LTBP1: variants seen among roughly 807,000 people sequenced by gnomAD.
LTBP1 encodes latent-transforming growth factor beta-binding protein 1.
LTBP1 carries 129 observed loss-of-function variants against 207.6 expected under a neutral mutation model. The observed-to-expected ratio is 0.62, with a 90% CI of 0.54 to 0.72. LTBP1 has a LOEUF of 0.72. Ranked by LOEUF, LTBP1 falls within the 30% of genes least tolerant of loss-of-function variation. The probability of loss-of-function intolerance (pLI) is 0.00; values close to 1 mark genes in which losing one functional copy is unlikely to be tolerated. For missense variants in LTBP1, 2,281 were observed against 2,217.2 expected, an observed-to-expected ratio of 1.03 and a Z score of -0.58; for synonymous variants, 963 against 833.7, an observed-to-expected ratio of 1.16 and a Z score of -2.67.
chr2:33,122,094 T>G (rs543858767), intron 4 of LTBP1, among the ~76,000 whole-genome samples: 5 of 151,754 alleles, frequency 3.3e-5, no homozygotes, highest in Non-Finnish European at 5.9e-5. Flanking sequence ...CGTGTCCCCT[T>G]GACTCTGGGC....
chr2:33,173,700 CA>C (rs2085713174), intron 5 of LTBP1, among the ~76,000 whole-genome samples: 1 of 150,086 alleles, frequency 6.7e-6, no homozygotes, highest in African/African-American at 2.4e-5. Flanking sequence ...GAGACACAAC[CA>C]AAAAAGAGAA....
chr2:33,070,068 C>T (rs765378011), intron 3 of LTBP1, among the ~76,000 whole-genome samples: 3 of 152,200 alleles, frequency 2.0e-5, no homozygotes, highest in African/African-American at 7.2e-5. Flanking sequence ...GCCTTTGACT[C>T]AGCGATGTGT....
In LTBP1 at chr2:33,138,399, G is replaced by A. The variant is rs144967831; in HGVS notation, c.1201+3439G>A. Reference sequence around the variant, plus strand: ...GATTTTGATATGGTTTAACAGAATAGTTACTTTAAATGGTACTTCCTATGA... The same window carrying A: ...GATTTTGATATGGTTTAACAGAATAATTACTTTAAATGGTACTTCCTATGA... On this transcript the variant is annotated intron_variant, in intron 5 of 33. Coordinates refer to ENST00000404816, the MANE Select transcript of LTBP1 (RefSeq NM_206943.4). Among the ~76,000 whole-genome samples the A allele has an allele frequency of 3.6e-3, 540 of 151,780 alleles. 4 individuals carry two copies. Among genetic ancestry groups the A allele is most frequent in the African/African-American group, 0.012 (511 of 41,402 alleles).
At chr2:33,033,739 A>G (rs1431249508) in intron 3 of LTBP1, among the ~76,000 whole-genome samples, 1 of 152,108 alleles carries the variant, frequency 6.6e-6, no homozygotes, top group Non-Finnish European at 1.5e-5. Context: ...AAAAATGCAC[A>G]CTAGAAAATA....
At chr2:33,198,753 A>T (rs1246090698) in intron 7 of LTBP1, among the ~76,000 whole-genome samples, 1 of 152,068 alleles carries the variant, frequency 6.6e-6, no homozygotes, top group African/African-American at 2.4e-5. Context: ...TATCCCCTTT[A>T]TCATTTTTTA....
intron 24 of LTBP1, among the ~76,000 whole-genome samples, chr2:33,342,037 A>T (rs1396163441): frequency 1.3e-5 from 2 of 152,186 alleles, no homozygotes; most frequent in Non-Finnish European, 2.9e-5. Context: ...GGCAGTGCCC[A>T]AGGAGAACGG....
intron 10 of LTBP1, among the ~76,000 whole-genome samples, chr2:33,244,523 A>T (rs952570356): frequency 6.6e-6 from 1 of 152,254 alleles, no homozygotes; most frequent in Admixed American, 6.5e-5. Flanking sequence ...ATCACTACAG[A>T]TCATATGCCA....
chr2:33,086,990 T>C (rs1219907206), intron 3 of LTBP1, among the ~76,000 whole-genome samples: 2 of 151,696 alleles, frequency 1.3e-5, no homozygotes, highest in African/African-American at 2.4e-5. Context: ...GGGCACTTGA[T>C]CACAGAGATT....
chr2:33,165,799 A>G (rs894669364), intron 5 of LTBP1, among the ~76,000 whole-genome samples: 2 of 152,210 alleles, frequency 1.3e-5, no homozygotes, highest in African/African-American at 4.8e-5. Context: ...GTCTGCTTAA[A>G]TGCATCAGTT....
intron 2 of LTBP1, among the ~76,000 whole-genome samples, chr2:33,005,252 T>C (rs996815571): frequency 6.6e-6 from 1 of 152,182 alleles, no homozygotes; most frequent in Non-Finnish European, 1.5e-5. Flanking sequence ...AGGGACAACT[T>C]GTCTCTGCTC....
At chr2:33,041,071 T>C (rs2076158454) in intron 3 of LTBP1, among the ~76,000 whole-genome samples, 1 of 152,196 alleles carries the variant, frequency 6.6e-6, no homozygotes, top group Admixed American at 6.5e-5. Flanking sequence ...CCTGCCAAAA[T>C]GACAGCTAGT....
intron 9 of LTBP1, among the ~76,000 whole-genome samples, chr2:33,228,355 G>T (rs945627064): frequency 2.0e-5 from 3 of 152,032 alleles, no homozygotes; most frequent in African/African-American, 7.2e-5. Flanking sequence ...TTTAAAGTAG[G>T]CACTATTATA....
chr2:33,146,588 C>CT (rs1475706941), intron 5 of LTBP1, among the ~76,000 whole-genome samples: 1 of 152,152 alleles, frequency 6.6e-6, no homozygotes, highest in African/African-American at 2.4e-5. Context: ...CTACCTGAGA[C>CT]TGGGTAGGTT....
At chr2:33,026,493 AC>A (rs1193100554) in intron 3 of LTBP1, among the ~76,000 whole-genome samples, 1 of 152,202 alleles carries the variant, frequency 6.6e-6, no homozygotes, top group Non-Finnish European at 1.5e-5. Context: ...TGCAGGACGT[AC>A]CCTTCTCTCT....
chr2:33,393,342 G>A (rs1011839824), intron 32 of LTBP1, among the ~76,000 whole-genome samples: 7 of 147,332 alleles, frequency 4.8e-5, no homozygotes, highest in African/African-American at 1.3e-4. Flanking sequence ...TGCACAACGT[G>A]CAGTTTTGTT....
At chr2:33,007,503 C>A (rs369512173) in intron 2 of LTBP1, among the ~76,000 whole-genome samples, 1 of 152,200 alleles carries the variant, frequency 6.6e-6, no homozygotes, top group Non-Finnish European at 1.5e-5. Context: ...AGAACACTCA[C>A]GTAGCATTTT....
At chr2:33,163,478 G>T (rs993894705) in intron 5 of LTBP1, among the ~76,000 whole-genome samples, 6 of 152,322 alleles carry the variant, frequency 3.9e-5, no homozygotes, top group Non-Finnish European at 5.9e-5. Flanking sequence ...AAAAGCACTG[G>T]AAGCAAGAGC....
At chr2:33,166,991 T>C (rs1462293997) in intron 5 of LTBP1, among the ~76,000 whole-genome samples, 1 of 152,188 alleles carries the variant, frequency 6.6e-6, no homozygotes, top group African/African-American at 2.4e-5. Context: ...CTGATGCCCA[T>C]GGTGTGCCGA....
At chr2:33,084,856 T>A (rs1400462226) in intron 3 of LTBP1, among the ~76,000 whole-genome samples, 2 of 152,198 alleles carry the variant, frequency 1.3e-5, no homozygotes, top group Non-Finnish European at 2.9e-5. Flanking sequence ...TCACCAGGTT[T>A]CTGTGAGAAA....
Sources: allele counts gnomAD v4.1 joint callset (sites outside exome capture counted in the v4.1 genomes callset), GRCh38; gene constraint gnomAD v4.1.1; transcripts MANE v1.5; gene names NCBI Gene and HGNC (gene_info 2026-07-23, HGNC 2026-07-21).